HHAT: variants seen among roughly 807,000 people sequenced by gnomAD.
HHAT encodes the protein hedgehog acyltransferase.
In HHAT, 47 loss-of-function variants were observed where a neutral mutation model predicts 70.8. The observed-to-expected ratio is 0.66, with a 90% CI of 0.53 to 0.85. The LOEUF is 0.85. HHAT is among the 40% of genes least tolerant of loss of function. The pLI is 0.00. For missense variants in HHAT, 609 were observed against 604.8 expected, an observed-to-expected ratio of 1.01 and a Z score of -0.07; for synonymous variants, 228 against 247.6, an observed-to-expected ratio of 0.92 and a Z score of 0.74.
chr1:210,544,615 C>A (rs12139453), intron 9 of HHAT, among the ~76,000 whole-genome samples: 19,119 of 151,938 alleles, frequency 0.13, 1,558 homozygotes, highest in South Asian at 0.21. Flanking sequence ...TCAGGTGATC[C>A]GCCCTCCTCA....
At chr1:210,578,605 T>C (rs1658450609) in intron 9 of HHAT, among the ~76,000 whole-genome samples, 1 of 152,074 alleles carries the variant, frequency 6.6e-6, no homozygotes, top group Non-Finnish European at 1.5e-5. Flanking sequence ...ATAAAGAAAA[T>C]GTGGTATATA....
intron 8 of HHAT, among the ~76,000 whole-genome samples, chr1:210,499,405 A>T (rs1364762519): frequency 6.6e-6 from 1 of 152,184 alleles, no homozygotes; most frequent in African/African-American, 2.4e-5. Flanking sequence ...GGGAGGCCAA[A>T]GTGGGCAGAT....
intron 9 of HHAT, among the ~76,000 whole-genome samples, chr1:210,556,245 C>T (rs914020425): frequency 6.6e-6 from 1 of 152,076 alleles, no homozygotes; most frequent in Non-Finnish European, 1.5e-5. Flanking sequence ...AGAGTTTTCC[C>T]TCAAGTGGTA....
intron 10 of HHAT, among the ~76,000 whole-genome samples, chr1:210,622,058 A>G (rs963229351): frequency 2.0e-5 from 3 of 152,214 alleles, no homozygotes; most frequent in South Asian, 2.1e-4. Flanking sequence ...GACACTGACC[A>G]TGATGCCAAA....
chr1:210,601,771 G>A (rs1664311425), intron 10 of HHAT, among the ~76,000 whole-genome samples: 2 of 152,110 alleles, frequency 1.3e-5, no homozygotes, highest in Non-Finnish European at 2.9e-5. Context: ...TTCTCTCTAT[G>A]AAGAGCTAAG....
chr1:210,352,669 G>C (rs1424464060), intron 2 of HHAT, among the ~76,000 whole-genome samples: 1 of 152,164 alleles, frequency 6.6e-6, no homozygotes, highest in Non-Finnish European at 1.5e-5. Flanking sequence ...GTTGGGGACA[G>C]CAGACTGATT....
At chr1:210,523,139 C>G (rs1369307146) in intron 9 of HHAT, among the ~76,000 whole-genome samples, 1 of 152,108 alleles carries the variant, frequency 6.6e-6, no homozygotes, top group African/African-American at 2.4e-5. Flanking sequence ...TGCTTCCCCT[C>G]CCTCCTCAGA....
intron 3 of HHAT, among the ~76,000 whole-genome samples, chr1:210,385,007 ATAAT>A (rs1415175502): frequency 6.6e-6 from 1 of 152,152 alleles, no homozygotes; most frequent in Non-Finnish European, 1.5e-5. Flanking sequence ...GTTTTCTGTG[ATAAT>A]TAGAGGTGAA....
At chr1:210,372,780 G>GTTGT (rs2089684811) in intron 3 of HHAT, among the ~76,000 whole-genome samples, 1 of 140,246 alleles carries the variant, frequency 7.1e-6, no homozygotes, top group African/African-American at 2.6e-5. Context: ...CAAGGGAGGT[G>GTTGT]TTTTTTTTTT....
intron 7 of HHAT, among the ~76,000 whole-genome samples, chr1:210,458,500 G>A (rs2093915829): frequency 6.6e-6 from 1 of 152,146 alleles, no homozygotes; most frequent in Non-Finnish European, 1.5e-5. Flanking sequence ...TTTAGCTGGG[G>A]CAGTTAGAAA....
chr1:210,576,233 G>T (rs1657701584), intron 9 of HHAT, among the ~76,000 whole-genome samples: 1 of 152,112 alleles, frequency 6.6e-6, no homozygotes, highest in Non-Finnish European at 1.5e-5. Context: ...GCTGATGAAA[G>T]ATATAGGAAT....
At chr1:210,516,080 GAA>G (rs11449031) in intron 9 of HHAT, among the ~76,000 whole-genome samples, 2 of 143,442 alleles carry the variant, frequency 1.4e-5, no homozygotes, top group Admixed American at 7.0e-5. Context: ...AAAAGAAAAA[GAA>G]AAAAAAAGGT....
chr1:210,443,261 T>G (rs1231600212), intron 7 of HHAT, among the ~76,000 whole-genome samples: 2 of 151,558 alleles, frequency 1.3e-5, no homozygotes, highest in Non-Finnish European at 2.9e-5. Flanking sequence ...TGTAGTATAG[T>G]TTGAGGTCAG....
chr1:210,404,532 C>T lies in HHAT; in HGVS notation c.537C>T (p.Tyr179=). 2 of 1,613,864 alleles carry T rather than the reference C, an allele frequency of 1.2e-6. No homozygotes were observed. The highest frequency in any genetic ancestry group is 1.7e-6 in the Non-Finnish European group (2 of 1,179,930). ...LQFTLTVRCL[Y]YTSFSLELCW... ...TCACGCTGACCGTTCGCTGCCTGTA[C>T]TACACCAGCTTCAGCCTGGAGCTCT... Residue 179 remains tyrosine (Y), a synonymous_variant, in exon 6 of 12, where the codon TAC becomes TAT. Transcript: ENST00000261458.
At chr1:210,329,817 A>C (rs1191411849) in intron 1 of HHAT, among the ~76,000 whole-genome samples, 1 of 152,166 alleles carries the variant, frequency 6.6e-6, no homozygotes, top group South Asian at 2.1e-4. Context: ...GCACAATCTC[A>C]GCTCACTGCA....
intron 3 of HHAT, chr1:210,374,377 G>T (rs533714873): frequency 6.6e-6 from 1 of 152,206 alleles, no homozygotes; most frequent in Admixed American, 6.5e-5. Flanking sequence ...TGCACAAAAA[G>T]AATTCTTTAA....
chr1:210,436,411 T>G (rs1431961588), intron 7 of HHAT, among the ~76,000 whole-genome samples: 1 of 151,772 alleles, frequency 6.6e-6, no homozygotes, highest in Non-Finnish European at 1.5e-5. Context: ...TGCCTTCAAC[T>G]TCGTTCTTTT....
chr1:210,545,914 G>A (rs573803685), intron 9 of HHAT, among the ~76,000 whole-genome samples: 5 of 152,176 alleles, frequency 3.3e-5, no homozygotes, highest in Non-Finnish European at 7.3e-5. Flanking sequence ...CAGGGACCAC[G>A]TATAATTTTG....
In HHAT at chr1:210,650,931, A is replaced by G. The variant is rs149758423; in HGVS notation, c.1391-23357A>G. 1.6e-4 allele frequency among the ~76,000 whole-genome samples: 24 copies of G among 152,326 alleles called. No homozygotes were observed. In the East Asian group the frequency reaches 4.2e-3, roughly 27 times the overall value. On this transcript the variant is annotated intron_variant, in intron 11 of 11. Coordinates refer to ENST00000261458, the MANE Select transcript of HHAT (RefSeq NM_018194.6). ...CATATTCTCATATTATAAATTTAGT[A>G]AGGGAAAGAGAAGACTCATCAGCTA...
Sources: allele counts gnomAD v4.1 joint callset (sites outside exome capture counted in the v4.1 genomes callset), GRCh38; gene constraint gnomAD v4.1.1; transcripts MANE v1.5; gene names NCBI Gene and HGNC (gene_info 2026-07-23, HGNC 2026-07-21).